Variants in ALCAM observed in about 807,000 individuals in gnomAD.
ALCAM encodes activated leukocyte cell adhesion molecule.
ALCAM carries 30 observed loss-of-function variants against 70.9 expected under a neutral mutation model. That is an observed-to-expected ratio of 0.42 (90% CI 0.32 to 0.57). The LOEUF (loss-of-function observed/expected upper bound fraction) is 0.57, where lower values mean the gene tolerates loss of function less well. Ranked by LOEUF, ALCAM falls within the 20% of genes least tolerant of loss-of-function variation. The pLI is 0.11. For synonymous variants in ALCAM, 249 were observed against 242.5 expected (o/e 1.03, Z -0.25); for missense variants, 591 against 695.1 (o/e 0.85, Z 1.68).
intron 7 of ALCAM, 75 bp from the exon 8 acceptor site, chr3:105,541,558 T>A (rs1940115737): frequency 6.8e-7 from 1 of 1,477,446 alleles, no homozygotes; most frequent in South Asian, 1.3e-5. Context: ...TAAAATGCTA[T>A]CTTCATCAAG....
At position 105,547,532 on chromosome 3, in the gene ALCAM, T is replaced by C; in HGVS notation, c.1374+9T>C. 6.2e-7 allele frequency: 1 copy of C among 1,605,082 alleles called. No homozygotes were observed. The highest frequency in any genetic ancestry group is 2.2e-5 in the East Asian group (1 of 44,768). ...GAAGCGTCATAAACCAAGCAAGTAT[T>C]TGTCTTCTTGTTATATGCTGCACTT... On this transcript the variant is annotated intron_variant, in intron 11 of 15. Coordinates refer to ENST00000306107, the MANE Select transcript of ALCAM (RefSeq NM_001627.4).
At chr3:105,531,359 TATTGTGA>T (rs1939835596) in intron 3 of ALCAM, 1 of 152,186 alleles carries the variant, frequency 6.6e-6, no homozygotes. Context: ...TACACTTTCA[TATTGTGA>T]CTTGGCTTAA....
intron 1 of ALCAM, among the ~76,000 whole-genome samples, chr3:105,379,960 C>T (rs539658491): frequency 8.6e-5 from 13 of 151,790 alleles, no homozygotes; most frequent in African/African-American, 2.4e-4. Context: ...TCTTGAGAAA[C>T]ATACTTTAAT....
chr3:105,532,469 G>A lies in ALCAM; in HGVS notation c.459+403G>A, dbSNP rs570547359. On this transcript the variant is annotated intron_variant, in intron 4 of 15. Transcript: ENST00000306107. The stretch of plus-strand genomic sequence containing the variant: ...TATTTAAAAGTTAGCTGGGCATAGC[G>A]GTACATGCCTGTGGTCCCAGCTGCT... Among the ~76,000 whole-genome samples the A allele has an allele frequency of 5.3e-5, 8 of 152,218 alleles. No homozygotes were observed. The South Asian group carries it at 6.2e-4, about 12-fold the overall frequency.
rs199833756 is a variant in ALCAM, at chr3:105,552,556, C to G, written c.1635C>G (p.Val545=). 1 of 1,611,446 alleles carries G rather than the reference C, an allele frequency of 6.2e-7. No homozygotes were observed. ...GLLLAALVAG[V]VYWLYMKKSK... is the part of the protein sequence containing the mutation. ...TCCTTGCTGCCCTTGTTGCTGGTGT[C>G]GTCTACTGGCTGTACATGAAGAAGT... The change falls in exon 14 of 16, where the codon GTC becomes GTG. Residue 545 remains valine, a synonymous_variant. Coordinates refer to ENST00000306107, the MANE Select transcript of ALCAM (RefSeq NM_001627.4).
intron 1 of ALCAM, among the ~76,000 whole-genome samples, chr3:105,405,375 A>G (rs1349941195): frequency 6.6e-6 from 1 of 151,808 alleles, no homozygotes; most frequent in Admixed American, 6.6e-5. Flanking sequence ...CTAAATACAT[A>G]TGCACCTAAG....
intron 15 of ALCAM, among the ~76,000 whole-genome samples, chr3:105,572,736 CA>C (rs1559661676): frequency 6.6e-6 from 1 of 152,166 alleles, no homozygotes; most frequent in East Asian, 1.9e-4. Context: ...CACATTCTCT[CA>C]AAACAGGAAG....
intron 1 of ALCAM, among the ~76,000 whole-genome samples, chr3:105,449,104 A>C (rs570796273): frequency 6.6e-6 from 1 of 152,328 alleles, no homozygotes; most frequent in African/African-American, 2.4e-5. Flanking sequence ...ACATGGTAAA[A>C]GGCATGTTTG....
At chr3:105,417,792 C>A (rs1226420877) in intron 1 of ALCAM, among the ~76,000 whole-genome samples, 1 of 151,660 alleles carries the variant, frequency 6.6e-6, no homozygotes, top group Non-Finnish European at 1.5e-5. Context: ...TAGTGTAAAG[C>A]ATTCATGCCA....
intron 1 of ALCAM, among the ~76,000 whole-genome samples, chr3:105,416,549 T>A (rs1436203150): frequency 1.3e-5 from 2 of 152,154 alleles, no homozygotes; most frequent in East Asian, 3.9e-4. Context: ...TGCATATTAT[T>A]ATTATTGATA....
At chr3:105,530,904 A>G (rs893304269) in intron 3 of ALCAM, among the ~76,000 whole-genome samples, 2 of 152,074 alleles carry the variant, frequency 1.3e-5, no homozygotes, top group African/African-American at 2.4e-5. Flanking sequence ...GGGAGGTAAC[A>G]TGTCTAATAA....
At chr3:105,428,202 A>G (rs1265945802) in intron 1 of ALCAM, among the ~76,000 whole-genome samples, 2 of 151,892 alleles carry the variant, frequency 1.3e-5, no homozygotes, top group Non-Finnish European at 2.9e-5. Flanking sequence ...AGAAGTTTAG[A>G]TGTTTTGACC....
chr3:105,412,532 T>C (rs1936415355), intron 1 of ALCAM, among the ~76,000 whole-genome samples: 1 of 152,146 alleles, frequency 6.6e-6, no homozygotes, highest in African/African-American at 2.4e-5. Flanking sequence ...ATTATTAATC[T>C]TGTATTTGCA....
chr3:105,495,560 C>G (rs949211149), intron 1 of ALCAM, among the ~76,000 whole-genome samples: 5 of 152,018 alleles, frequency 3.3e-5, no homozygotes, highest in Admixed American at 6.6e-5. Flanking sequence ...AGTGAGACAA[C>G]AAGTTTTAAA....
chr3:105,420,707 A>G (rs1936628076), intron 1 of ALCAM, among the ~76,000 whole-genome samples: 1 of 151,690 alleles, frequency 6.6e-6, no homozygotes, highest in African/African-American at 2.4e-5. Context: ...ATCTAGAGAC[A>G]AATAAGAACC....
chr3:105,505,600 C>G (rs1939052075), intron 1 of ALCAM, among the ~76,000 whole-genome samples: 1 of 151,984 alleles, frequency 6.6e-6, no homozygotes, highest in African/African-American at 2.4e-5. Context: ...AGCTTTATGT[C>G]CAATTTATCT....
At chr3:105,543,407 A>G (rs1285681868) in intron 8 of ALCAM, among the ~76,000 whole-genome samples, 5 of 151,776 alleles carry the variant, frequency 3.3e-5, no homozygotes, top group Non-Finnish European at 5.9e-5. Flanking sequence ...CCTCCTCAAA[A>G]GCTGAAAAAA....
Position 105,552,566 on chromosome 3 carries a change from C to T in ALCAM, c.1645C>T (p.Leu549=). The T allele has an allele frequency of 1.2e-6, 2 of 1,611,438 alleles. No homozygotes were observed. The highest frequency in any genetic ancestry group is 1.7e-6 in the Non-Finnish European group (2 of 1,178,138). The change falls in exon 14 of 16, where the codon CTG becomes TTG. Residue 549 remains leucine, a synonymous_variant. Coordinates refer to ENST00000306107, the MANE Select transcript of ALCAM (RefSeq NM_001627.4). The part of the protein sequence containing the change: ...AALVAGVVYW[L]YMKKSKTASK... ...CCTTGTTGCTGGTGTCGTCTACTGG[C>T]TGTACATGAAGAAGTCAAAGTGAGT...
At chr3:105,504,710 A>G (rs1032330188) in intron 1 of ALCAM, among the ~76,000 whole-genome samples, 9 of 151,790 alleles carry the variant, frequency 5.9e-5, no homozygotes, top group African/African-American at 2.2e-4. Flanking sequence ...CTAGGGTCTC[A>G]GGGTTTTTGT....
Sources: allele counts gnomAD v4.1 joint callset (sites outside exome capture counted in the v4.1 genomes callset), GRCh38; gene constraint gnomAD v4.1.1; transcripts MANE v1.5; gene names NCBI Gene and HGNC (gene_info 2026-07-23, HGNC 2026-07-21).